The following MYT1L variants were observed in gnomAD, a reference collection of about 807,000 sequenced individuals.
The protein encoded by MYT1L is myelin transcription factor 1-like protein.
Under a neutral mutation model 126.7 loss-of-function variants are expected in MYT1L, and 12 were observed. That is an observed-to-expected ratio of 0.09 (90% CI 0.06 to 0.15). The LOEUF (loss-of-function observed/expected upper bound fraction) is 0.15. MYT1L is among the 10% of genes least tolerant of loss of function. The pLI, the probability that MYT1L is intolerant of heterozygous loss-of-function variation, is 1.00. For missense variants in MYT1L, 979 were observed against 1,585.2 expected (o/e 0.62, Z 6.49); for synonymous variants, 541 against 604.2 (o/e 0.90, Z 1.53).
chr2:1,998,200 G>T (rs2062037221), intron 4 of MYT1L, among the ~76,000 whole-genome samples: 2 of 152,184 alleles, frequency 1.3e-5, no homozygotes, highest in East Asian at 3.9e-4. Context: ...AAAGGATTCA[G>T]TGCTTCTTGC....
chr2:1,834,749 C>T (rs997657920), intron 21 of MYT1L, among the ~76,000 whole-genome samples: 1 of 152,038 alleles, frequency 6.6e-6, no homozygotes, highest in Non-Finnish European at 1.5e-5. Flanking sequence ...AGATCAGTTC[C>T]ACAACAGTGT....
At chr2:1,961,858 T>C (rs2058988669) in intron 8 of MYT1L, among the ~76,000 whole-genome samples, 2 of 152,200 alleles carry the variant, frequency 1.3e-5, no homozygotes, top group Admixed American at 1.3e-4. Flanking sequence ...AAATATACGG[T>C]TTGACAGAAG....
chr2:2,182,446 G>C (rs977986194), intron 2 of MYT1L, among the ~76,000 whole-genome samples: 1 of 152,146 alleles, frequency 6.6e-6, no homozygotes, highest in Non-Finnish European at 1.5e-5. Flanking sequence ...GAAGATGTTT[G>C]CAATAGTATG....
intron 5 of MYT1L, among the ~76,000 whole-genome samples, chr2:1,980,179 TTA>T (rs2060495471): frequency 6.8e-6 from 1 of 147,678 alleles, no homozygotes. Context: ...ATATGTATTT[TTA>T]TATATCTTAT....
intron 21 of MYT1L, among the ~76,000 whole-genome samples, chr2:1,829,118 G>A (rs2039765254): frequency 6.6e-6 from 1 of 152,116 alleles, no homozygotes; most frequent in South Asian, 2.1e-4. Context: ...GCTTGGTGAG[G>A]ATCTCCCATG....
chr2:1,792,582 G>T, intron 23 of MYT1L, 118 bp from the exon 24 acceptor site: 1 of 1,149,708 alleles, frequency 8.7e-7, no homozygotes, highest in Non-Finnish European at 1.2e-6. Context: ...AAGGAGAAAG[G>T]CTTCGGGCCG....
chr2:1,922,873 T>C lies in MYT1L; in HGVS notation c.896A>G (p.Tyr299Cys). Residue 299 changes from tyrosine to cysteine, a missense_variant, in exon 10 of 25, where the codon TAC (tyrosine) becomes TGC (cysteine). Tyr to Cys is a radical substitution (Grantham distance 194, BLOSUM62 -2). This residue lies in a region of MYT1L where 243 missense variants were observed against 363.9 expected (regional missense o/e 0.67). Transcript: ENST00000647738. The surrounding 1 kb of genome is among the most constrained non-coding windows in gnomAD (Gnocchi z 7.4). ...MSQQDSRNMN[Y>C]VMLGKPMNNG... is the part of the protein sequence containing the mutation. ...GTTCATGGGCTTCCCCAACATGACG[T>C]AATTCATATTTCTACTGTCTTGCTG... The C allele has an allele frequency of 6.2e-7, 1 of 1,614,028 alleles. No homozygotes were observed. Among genetic ancestry groups the C allele is most frequent in the South Asian group, 1.1e-5 (1 of 91,076 alleles).
In MYT1L at chr2:2,293,513, G is replaced by C. The variant is rs564291294; in HGVS notation, c.-520-9010C>G. ...GCACTGTTCCCACACAGGTGGAGCTGGGCTTCCCTCGGAGCTAAGGAGGTG... is the reference window on the plus strand; with the variant it reads ...GCACTGTTCCCACACAGGTGGAGCTCGGCTTCCCTCGGAGCTAAGGAGGTG... On this transcript the variant is annotated intron_variant, in intron 1 of 24. Transcript: ENST00000647738. Among the ~76,000 whole-genome samples, 165 of 152,296 alleles carry C rather than the reference G, an allele frequency of 1.1e-3. 2 individuals are homozygous for C. Among genetic ancestry groups the C allele is most frequent in the African/African-American group, 3.5e-3 (146 of 41,562 alleles).
In MYT1L at chr2:1,910,019, G is replaced by A. The variant is rs2051689291; in HGVS notation, c.1817+221C>T. Among the ~76,000 whole-genome samples the A allele has an allele frequency of 6.6e-6, 1 of 152,182 alleles. No homozygotes were observed. The highest frequency in any genetic ancestry group is 2.1e-4 in the South Asian group (1 of 4,828). On this transcript the variant is annotated intron_variant, in intron 13 of 24. Coordinates refer to ENST00000647738, the MANE Select transcript of MYT1L (RefSeq NM_001303052.2). This position sits in a 1 kb window ranked among gnomAD's most constrained non-coding sequence, Gnocchi z 4.8. ...TTCCTCCAATTCTCTCATGTAAATTGTCACAGCGAATCCGCAGACACCAGG... is the reference window on the plus strand; with the variant it reads ...TTCCTCCAATTCTCTCATGTAAATTATCACAGCGAATCCGCAGACACCAGG...
rs2148836653 is a variant in MYT1L, at chr2:1,887,409, T to C, written c.2642+79A>G. The C allele has an allele frequency of 1.3e-6, 2 of 1,589,120 alleles. No homozygotes were observed. The highest frequency in any genetic ancestry group is 1.1e-5 in the South Asian group (1 of 89,788). ...TCGCATGCTCAAACGGCAAGGCATA[T>C]ACAGATCCAGTTTTAAAAAATCAGC... On this transcript the variant is annotated intron_variant, in intron 17 of 24. Coordinates refer to ENST00000647738, the MANE Select transcript of MYT1L (RefSeq NM_001303052.2). This position sits in a 1 kb window ranked among gnomAD's most constrained non-coding sequence, Gnocchi z 4.8.
At chr2:2,300,807 G>A (rs1422807814) in intron 1 of MYT1L, among the ~76,000 whole-genome samples, 1 of 152,154 alleles carries the variant, frequency 6.6e-6, no homozygotes, top group Non-Finnish European at 1.5e-5. Context: ...GCCTGGAGCT[G>A]GGCATCTCTC....
chr2:2,180,607 T>C (rs892464659), intron 2 of MYT1L, among the ~76,000 whole-genome samples: 1 of 149,810 alleles, frequency 6.7e-6, no homozygotes, highest in African/African-American at 2.5e-5. Context: ...CCTGTGTGTG[T>C]GCTTATGTAC....
At chr2:2,096,007 C>A (rs985527391) in intron 3 of MYT1L, among the ~76,000 whole-genome samples, 1 of 152,136 alleles carries the variant, frequency 6.6e-6, no homozygotes, top group African/African-American at 2.4e-5. Flanking sequence ...GTGGCGCCCA[C>A]CTGTGGGTTT....
chr2:2,261,549 A>T (rs1261329850), intron 2 of MYT1L, among the ~76,000 whole-genome samples: 1 of 152,204 alleles, frequency 6.6e-6, no homozygotes, highest in Non-Finnish European at 1.5e-5. Flanking sequence ...ACTTCTATCA[A>T]TAGGGAGTTG....
intron 2 of MYT1L, among the ~76,000 whole-genome samples, chr2:2,265,029 ATT>A (rs1217505229): frequency 1.4e-5 from 2 of 144,398 alleles, no homozygotes. Flanking sequence ...GTCTTTTTTA[ATT>A]TTTTTTTTTT....
chr2:2,034,342 CA>C (rs778996423), intron 4 of MYT1L, among the ~76,000 whole-genome samples: 397 of 130,342 alleles, frequency 3.0e-3, no homozygotes, highest in Non-Finnish European at 3.8e-3. Flanking sequence ...AACTTCTCCC[CA>C]ACAATCTCCA....
At chr2:2,090,373 GTT>G (rs2076792841) in intron 3 of MYT1L, among the ~76,000 whole-genome samples, 1 of 152,150 alleles carries the variant, frequency 6.6e-6, no homozygotes, top group Non-Finnish European at 1.5e-5. Context: ...TAAATGATAT[GTT>G]TACACTATAC....
chr2:1,950,682 A>C (rs964021581), intron 8 of MYT1L, among the ~76,000 whole-genome samples: 2 of 152,202 alleles, frequency 1.3e-5, no homozygotes, highest in African/African-American at 4.8e-5. Flanking sequence ...GAGTTCAGGG[A>C]GGCTGCATGG....
intron 19 of MYT1L, chr2:1,842,347 G>T (rs2041846908): frequency 6.6e-6 from 1 of 152,582 alleles, no homozygotes. Flanking sequence ...CGGGTTTCGT[G>T]TCTGGGCAGA....
Sources: allele counts gnomAD v4.1 joint callset (sites outside exome capture counted in the v4.1 genomes callset), GRCh38; gene constraint gnomAD v4.1.1; regional missense constraint gnomAD v4.1.1; non-coding constraint Gnocchi (gnomAD v3.1); transcripts MANE v1.5; gene names NCBI Gene and HGNC (gene_info 2026-07-23, HGNC 2026-07-21).